PIK3C2A: variants seen among roughly 807,000 people sequenced by gnomAD.
PIK3C2A encodes phosphatidylinositol 4-phosphate 3-kinase C2 domain-containing subunit alpha.
PIK3C2A carries 97 observed loss-of-function variants against 204.5 expected under a neutral mutation model. The observed-to-expected ratio is 0.47, with a 90% CI of 0.40 to 0.56. The LOEUF is 0.56. Ranked by LOEUF, PIK3C2A falls within the 20% of genes least tolerant of loss-of-function variation. The pLI, the probability that PIK3C2A is intolerant of heterozygous loss-of-function variation, is 0.00. For missense variants in PIK3C2A, 1,735 were observed against 1,969.2 expected, an observed-to-expected ratio of 0.88 and a Z score of 2.25; for synonymous variants, 653 against 664.4, an observed-to-expected ratio of 0.98 and a Z score of 0.26.
chr11:17,126,373 G>T (rs1203877821), intron 13 of PIK3C2A, among the ~76,000 whole-genome samples: 2 of 152,012 alleles, frequency 1.3e-5, no homozygotes, highest in African/African-American at 4.8e-5. Context: ...CTGGGCAACA[G>T]TGAGACTCCA....
intron 5 of PIK3C2A, 131 bp downstream of exon 5, chr11:17,148,536 A>T: frequency 1.3e-6 from 1 of 753,488 alleles, no homozygotes; most frequent in South Asian, 1.9e-5. Context: ...ATAAAAGTTT[A>T]TTGATTCAAT....
chr11:17,122,325 A>G lies in PIK3C2A; in HGVS notation c.2520T>C (p.Phe840=). 2 of 1,535,618 alleles carry G rather than the reference A, an allele frequency of 1.3e-6. No individual in the cohort carries two copies. The highest frequency in any genetic ancestry group is 1.8e-6 in the Non-Finnish European group (2 of 1,116,770). ...AAATAATATCAAATGCAGGAGAAGG[A>G]AAATCAACCTTTAAAATTTAACAGA... The part of the protein sequence containing the change: ...VMERIVLQVD[F]PSPAFDIIYT... The change falls in exon 15 of 33, where the codon TTT becomes TTC. Residue 840 remains phenylalanine (F), a synonymous_variant. Transcript: ENST00000691414.
intron 12 of PIK3C2A, among the ~76,000 whole-genome samples, chr11:17,129,684 T>C (rs1849636003): frequency 6.6e-6 from 1 of 152,224 alleles, no homozygotes. Context: ...CTCCGCCTCC[T>C]GGGTTCAAGT....
chr11:17,117,442 TCC>T, intron 19 of PIK3C2A, 47 bp downstream of exon 19: 1 of 1,307,124 alleles, frequency 7.7e-7, no homozygotes, highest in Non-Finnish European at 1.1e-6. Context: ...ACCATAAAGA[TCC>T]TTCCTTTAAC....
At chr11:17,133,852 C>G (rs912064503) in intron 11 of PIK3C2A, among the ~76,000 whole-genome samples, 1 of 151,792 alleles carries the variant, frequency 6.6e-6, no homozygotes, top group African/African-American at 2.4e-5. Flanking sequence ...TGCTTGAACC[C>G]TGGAATCAGA....
At chr11:17,110,134 G>T (rs953450113) in intron 22 of PIK3C2A, among the ~76,000 whole-genome samples, 3 of 151,956 alleles carry the variant, frequency 2.0e-5, no homozygotes, top group Admixed American at 6.6e-5. Flanking sequence ...TGCATTTTTA[G>T]TAGAAACAGG....
intron 1 of PIK3C2A, 62 bp downstream of exon 1, chr11:17,207,786 C>G (rs1054452339): frequency 5.2e-5 from 8 of 152,602 alleles, no homozygotes; most frequent in African/African-American, 1.9e-4. Flanking sequence ...CCCGGGGCCC[C>G]TCTCCACCCT....
chr11:17,204,702 C>G (rs1440664170), intron 1 of PIK3C2A, among the ~76,000 whole-genome samples: 1 of 152,090 alleles, frequency 6.6e-6, no homozygotes, highest in African/African-American at 2.4e-5. Context: ...TCCCTGGGAA[C>G]CTTTGAAGTA....
In PIK3C2A at chr11:17,106,282, C is replaced by A. The variant is rs1848812854; in HGVS notation, c.3545-977G>T. ...CAAACATTAACCAGGCATGGTGACA[C>A]ACACCTGCAGTCCCAGCTACTTTGG... On this transcript the variant is annotated intron_variant, in intron 22 of 32. Coordinates refer to ENST00000691414, the MANE Select transcript of PIK3C2A (RefSeq NM_002645.4). Among the ~76,000 whole-genome samples the A allele has an allele frequency of 2.0e-5, 3 of 150,866 alleles. No homozygotes were observed. In the South Asian group the frequency reaches 6.3e-4, roughly 32 times the overall value.
At chr11:17,141,873 A>C (rs1411183976) in intron 8 of PIK3C2A, among the ~76,000 whole-genome samples, 3 of 152,230 alleles carry the variant, frequency 2.0e-5, no homozygotes, top group Non-Finnish European at 2.9e-5. Flanking sequence ...AGCTGACCAG[A>C]ATTAGACTGA....
chr11:17,118,742 A>T lies in PIK3C2A; in HGVS notation c.2941-3T>A. On this transcript the variant is annotated splice_region_variant and splice_polypyrimidine_tract_variant and intron_variant, in intron 17 of 32. Transcript: ENST00000691414. The stretch of plus-strand genomic sequence containing the variant: ...AAGTAAATTTCATATTTCAAAGCCT[A>T]CAGTAAAAGAAAATAAGAATTATTA... 1 of 1,420,860 alleles carries T rather than the reference A, an allele frequency of 7.0e-7. No individual in the cohort carries two copies. The highest frequency in any genetic ancestry group is 1.2e-5 in the South Asian group (1 of 84,776). The allele number at this position is 1,420,860 out of a possible 1,614,324, so 88.0% of individuals were successfully genotyped here.
At chr11:17,145,214 C>T (rs912803431) in intron 8 of PIK3C2A, among the ~76,000 whole-genome samples, 9 of 152,252 alleles carry the variant, frequency 5.9e-5, no homozygotes, top group African/African-American at 2.2e-4. Flanking sequence ...AATGTGAGGA[C>T]ATGACATTTA....
At chr11:17,110,077 T>C (rs1160848261) in intron 22 of PIK3C2A, among the ~76,000 whole-genome samples, 17 of 152,042 alleles carry the variant, frequency 1.1e-4, no homozygotes, top group Non-Finnish European at 1.9e-4. Context: ...CTCAGCCTCC[T>C]AAGCAGCTGG....
At chr11:17,189,575 AGTT>A (rs1851870455) in intron 1 of PIK3C2A, among the ~76,000 whole-genome samples, 1 of 131,698 alleles carries the variant, frequency 7.6e-6, no homozygotes, top group Non-Finnish European at 1.5e-5. Flanking sequence ...TAGTATATTC[AGTT>A]GTTTTTAGTA....
rs1475026506 is a variant in PIK3C2A, at chr11:17,119,307, A to G, written c.2853T>C (p.Ala951=). 3 of 1,585,998 alleles carry G rather than the reference A, an allele frequency of 1.9e-6. No individual in the cohort carries two copies. Among genetic ancestry groups the G allele is most frequent in the Non-Finnish European group, 2.6e-6 (3 of 1,155,538 alleles). Residue 951 remains alanine (A), a synonymous_variant, in exon 17 of 33, where the codon GCT becomes GCC. Coordinates refer to ENST00000691414, the MANE Select transcript of PIK3C2A (RefSeq NM_002645.4). ...CAGCTAGGGATCTTACTTCCTGATC[A>G]GCAAATCTAGAAGATTACCATAAAA... is the stretch of plus-strand genomic sequence containing the variant. ...IALELLDSKF[A]DQEVRSLAVT... is the part of the protein sequence containing the mutation.
At chr11:17,117,414 G>C in intron 19 of PIK3C2A, 77 bp downstream of exon 19, 1 of 935,450 alleles carries the variant, frequency 1.1e-6, no homozygotes, top group Admixed American at 2.2e-5. Context: ...ATAAAGAATA[G>C]CAACTTAATT....
At chr11:17,098,893 CAAG>C (rs1848532934) in intron 26 of PIK3C2A, among the ~76,000 whole-genome samples, 1 of 152,120 alleles carries the variant, frequency 6.6e-6, no homozygotes, top group Non-Finnish European at 1.5e-5. Flanking sequence ...ACATATTTGT[CAAG>C]AAGATCTGTT....
intron 1 of PIK3C2A, among the ~76,000 whole-genome samples, chr11:17,196,022 G>C (rs914688637): frequency 6.6e-6 from 1 of 151,958 alleles, no homozygotes; most frequent in African/African-American, 2.4e-5. Context: ...CTGGGCAACA[G>C]AGCGAGACTT....
chr11:17,159,061 T>C (rs1850696199), intron 2 of PIK3C2A, among the ~76,000 whole-genome samples: 1 of 152,198 alleles, frequency 6.6e-6, no homozygotes, highest in South Asian at 2.1e-4. Flanking sequence ...ACATATATTT[T>C]ACACCTATTC....
Sources: gnomAD v4.1 joint callset for allele counts (sites outside exome capture counted in the v4.1 genomes callset) on GRCh38, gnomAD v4.1.1 for gene constraint, MANE v1.5 for transcripts, NCBI Gene and HGNC (gene_info 2026-07-23, HGNC 2026-07-21) for gene names.